The following ATM variants were observed in gnomAD, a reference collection of about 807,000 sequenced individuals.
The protein encoded by ATM is serine-protein kinase ATM.
A neutral mutation model predicts 387.0 loss-of-function variants in ATM; 308 were observed. The observed-to-expected ratio is 0.80, with a 90% CI of 0.73 to 0.87. The LOEUF is 0.87. Ranked by LOEUF, ATM falls within the 40% of genes least tolerant of loss-of-function variation. ATM has a pLI of 0.00. For synonymous variants in ATM, 1,156 were observed against 1,187.3 expected (o/e 0.97, Z 0.54); for missense variants, 3,312 against 3,560.9 (o/e 0.93, Z 1.78).
intron 54 of ATM, among the ~76,000 whole-genome samples, 154 bp from the exon 55 acceptor site, chr11:108,334,815 C>G (rs929389325): frequency 1.3e-5 from 2 of 152,140 alleles, no homozygotes; most frequent in Non-Finnish European, 2.9e-5. Flanking sequence ...CGAGCGTGAG[C>G]CACCACACCC....
At chr11:108,308,913 A>G (rs1042463398) in intron 38 of ATM, 4 of 991,132 alleles carry the variant, frequency 4.0e-6, no homozygotes, top group South Asian at 1.4e-5. Context: ...TGTAGTGGAG[A>G]GCATTTGTTT....
intron 43 of ATM, among the ~76,000 whole-genome samples, chr11:108,318,374 T>TAAAATAAAAAAAATAAAA (rs2084932035): frequency 1.4e-5 from 2 of 143,786 alleles, no homozygotes; most frequent in African/African-American, 5.2e-5. Context: ...AAAAAATAAA[T>TAAAATAAAAAAAATAAAA]AAAATAAAAA....
Position 108,282,843 on chromosome 11 carries a change from T to G in ATM, c.3710T>G (p.Ile1237Ser), listed in dbSNP as rs786202897. The change falls in exon 25 of 63, where the codon ATT (isoleucine) becomes AGT (serine). Residue 1237 changes from isoleucine (I) to serine (S), a missense_variant. By Grantham distance (142) the Ile-to-Ser change is moderately radical. This residue lies in a region of ATM where 1,791 missense variants were observed against 1,804.5 expected (regional missense o/e 0.99). Transcript: ENST00000675843. ...TACAACTTATCTTCTTTTCCTTTTATTTTATTAAACTACACAAATATTGAG... is the reference window on the plus strand; with the variant it reads ...TACAACTTATCTTCTTTTCCTTTTAGTTTATTAAACTACACAAATATTGAG... ...TEYNLSSFPF[I>S]LLNYTNIEDF... 3 of 1,529,924 alleles carry G rather than the reference T, an allele frequency of 2.0e-6. No individual in the cohort carries two copies. Among genetic ancestry groups the G allele is most frequent in the Non-Finnish European group, 2.7e-6 (3 of 1,106,526 alleles). The allele number at this position is 1,529,924 out of a possible 1,614,324, so 94.8% of individuals were successfully genotyped here. A position where few individuals can be genotyped will look rare whatever the true frequency, so the allele number is the denominator to read the frequency against.
chr11:108,298,398 T>C (rs1309707339), intron 33 of ATM, among the ~76,000 whole-genome samples: 1 of 152,180 alleles, frequency 6.6e-6, no homozygotes, highest in Non-Finnish European at 1.5e-5. Context: ...ATCAAAAATA[T>C]CTAGCTTGAA....
At chr11:108,241,381 C>T (rs916931457) in intron 5 of ATM, among the ~76,000 whole-genome samples, 1 of 152,104 alleles carries the variant, frequency 6.6e-6, no homozygotes, top group African/African-American at 2.4e-5. Flanking sequence ...GTAACTTAGT[C>T]ATTTATTATC....
chr11:108,227,645 T>G lies in ATM; in HGVS notation c.21T>G (p.Asp7Glu). MSLVLNDLLICCRQLEH... is the reference protein window; with the variant it reads MSLVLNELLICCRQLEH... ...GAACCATGAGTCTAGTACTTAATGA[T>G]CTGCTTATCTGCTGCCGTCAACTAG... is the stretch of plus-strand genomic sequence containing the variant. The change falls in exon 2 of 63, where the codon GAT (aspartate) becomes GAG (glutamate). Residue 7 changes from aspartate (D) to glutamate (E), a missense_variant. Transcript: ENST00000675843. 6.2e-7 allele frequency: 1 copy of G among 1,613,858 alleles called. No individual in the cohort carries two copies. Among genetic ancestry groups the G allele is most frequent in the Non-Finnish European group, 8.5e-7 (1 of 1,179,880 alleles).
chr11:108,327,222 G>A (rs1331683291), intron 47 of ATM, among the ~76,000 whole-genome samples: 1 of 152,208 alleles, frequency 6.6e-6, no homozygotes, highest in African/African-American at 2.4e-5. Context: ...AATATGATAT[G>A]TGTAAATATT....
intron 22 of ATM, among the ~76,000 whole-genome samples, chr11:108,275,926 GAAGTT>G (rs1421970820): frequency 6.6e-6 from 1 of 152,102 alleles, no homozygotes; most frequent in African/African-American, 2.4e-5. Flanking sequence ...CTAGATTGGG[GAAGTT>G]CTGATAATAT....
intron 5 of ATM, among the ~76,000 whole-genome samples, chr11:108,240,181 A>C (rs2079485795): frequency 6.6e-6 from 1 of 152,120 alleles, no homozygotes; most frequent in East Asian, 1.9e-4. Context: ...TGACATTTTT[A>C]AAGATCTTTT....
At chr11:108,300,509 G>A (rs887924047) in intron 34 of ATM, among the ~76,000 whole-genome samples, 1 of 152,084 alleles carries the variant, frequency 6.6e-6, no homozygotes, top group Non-Finnish European at 1.5e-5. Context: ...GCCTCAAAGG[G>A]TTTTCCTCAC....
In ATM at chr11:108,367,335, C is replaced by T. The variant is rs898764664; in HGVS notation, c.*1827C>T. ...AAGGATTTCCCCTTTCTTGTAAGTT[C>T]TGCTATGTATTTAAAAGAATGTTTT... On this transcript the variant is annotated 3_prime_UTR_variant, in exon 63 of 63. Transcript: ENST00000675843. The T allele has an allele frequency of 5.4e-6, 1 of 184,858 alleles. No homozygotes were observed. The highest frequency in any genetic ancestry group is 2.3e-5 in the African/African-American group (1 of 42,618). The allele number at this position is 184,858 out of a possible 1,614,324, so 11.5% of individuals were successfully genotyped here. A position where few individuals can be genotyped will look rare whatever the true frequency, so the allele number is the denominator to read the frequency against.
At chr11:108,316,913 G>A (rs1481101093) in intron 42 of ATM, among the ~76,000 whole-genome samples, 1 of 151,758 alleles carries the variant, frequency 6.6e-6, no homozygotes, top group African/African-American at 2.4e-5. Context: ...GCAATAGAGC[G>A]AGACTCCATC....
chr11:108,356,144 G>A (rs1169481367), intron 61 of ATM: 1 of 152,170 alleles, frequency 6.6e-6, no homozygotes, highest in Non-Finnish European at 1.5e-5. Context: ...AAATAAGCAT[G>A]ATGTGTAACA....
At position 108,259,973 on chromosome 11, in the gene ATM, G is replaced by A. The variant is rs985756519; in HGVS notation, c.2466+898G>A. Among the ~76,000 whole-genome samples, 10 of 149,774 alleles carry A rather than the reference G, an allele frequency of 6.7e-5. 1 individual carries two copies. Among genetic ancestry groups the A allele is most frequent in the Admixed American group, 6.0e-4 (9 of 15,030 alleles). ...TACTTTATTTATTTAGCAGTGCATGGTATTCTATTGTGTGGTGATAGTGAA... is the reference window on the plus strand; with the variant it reads ...TACTTTATTTATTTAGCAGTGCATGATATTCTATTGTGTGGTGATAGTGAA... On this transcript the variant is annotated intron_variant, in intron 16 of 62. Transcript: ENST00000675843.
chr11:108,228,663 C>T (rs904865648), intron 3 of ATM, among the ~76,000 whole-genome samples: 7 of 152,162 alleles, frequency 4.6e-5, no homozygotes, highest in African/African-American at 1.7e-4. Context: ...TGTTTTTCCT[C>T]TGATTTTCTA....
intron 12 of ATM, 28 bp downstream of exon 12, chr11:108,252,940 A>G (rs781589492): frequency 1.3e-6 from 2 of 1,526,186 alleles, no homozygotes. Flanking sequence ...GCTCTTTATC[A>G]TTTTAAGCTA....
chr11:108,244,101 G>A lies in ATM; in HGVS notation c.645G>A (p.Lys215=), dbSNP rs2079708544. The A allele has an allele frequency of 6.2e-7, 1 of 1,613,640 alleles. No homozygotes were observed. Among genetic ancestry groups the A allele is most frequent in the Non-Finnish European group, 8.5e-7 (1 of 1,179,836 alleles). ...CCAAATTTTTGGACTTTTTTTCCAA[G>A]GCTATTCAGTGTGCGAGGTAATCTA... is the stretch of plus-strand genomic sequence containing the variant. ...LNSKFLDFFS[K]AIQCARQEKS... is the part of the protein sequence containing the mutation. The change falls in exon 6 of 63, where the codon AAG becomes AAA. Residue 215 remains lysine, a synonymous_variant. Coordinates refer to ENST00000675843, the MANE Select transcript of ATM (RefSeq NM_000051.4).
intron 61 of ATM, among the ~76,000 whole-genome samples, chr11:108,358,084 A>G (rs1032345598): frequency 6.7e-6 from 1 of 150,102 alleles, no homozygotes; most frequent in Non-Finnish European, 1.5e-5. Context: ...AATAACCAAT[A>G]CAGAGAAGTG....
chr11:108,237,899 G>GTT (rs369161623), intron 5 of ATM, among the ~76,000 whole-genome samples: 1,109 of 91,700 alleles, frequency 0.012, 14 homozygotes, highest in African/African-American at 0.049. Flanking sequence ...ATTTACTTAG[G>GTT]TTTTTTTTTT....
Sources: gnomAD v4.1 joint callset for allele counts (sites outside exome capture counted in the v4.1 genomes callset) on GRCh38, gnomAD v4.1.1 for gene constraint, gnomAD v4.1.1 regional missense constraint, MANE v1.5 for transcripts, NCBI Gene and HGNC (gene_info 2026-07-23, HGNC 2026-07-21) for gene names.